The following ST7 variants were observed in gnomAD, a reference collection of about 807,000 sequenced individuals.
ST7 encodes suppression of tumorigenicity 7.
ST7 carries 28 observed loss-of-function variants against 78.7 expected under a neutral mutation model. The observed-to-expected ratio is 0.36, with a 90% confidence interval of 0.26 to 0.49. The LOEUF (loss-of-function observed/expected upper bound fraction) is 0.49. Ranked by LOEUF, ST7 falls within the 20% of genes least tolerant of loss-of-function variation. The probability of loss-of-function intolerance (pLI) is 0.99; values close to 1 mark genes in which losing one functional copy is unlikely to be tolerated. For missense variants in ST7, 418 were observed against 696.0 expected (o/e 0.60, Z 4.49); for synonymous variants, 247 against 249.6 (o/e 0.99, Z 0.10).
chr7:117,097,908 ATT>A lies in ST7; in HGVS notation c.152-1835_152-1834del, dbSNP rs751549285. On this transcript the variant is annotated intron_variant, in intron 1 of 15. Transcript: ENST00000323984. ...TATATATATATATATATATATATAT[ATT>A]TTTTTTTTTTTTTTTTTTGATGGCC... 9.2e-3 allele frequency among the ~76,000 whole-genome samples: 275 copies of A among 29,952 alleles called. 2 individuals carry two copies. The highest frequency in any genetic ancestry group is 0.01 in the Non-Finnish European group (191 of 18,564). 19.6% of individuals were successfully genotyped at this position (29,952 alleles called of 152,430 possible). A position where few individuals can be genotyped will look rare whatever the true frequency, so the allele number is the denominator to read the frequency against.
At chr7:117,191,338 G>A (rs1349242066) in intron 12 of ST7, among the ~76,000 whole-genome samples, 2 of 152,142 alleles carry the variant, frequency 1.3e-5, no homozygotes, top group African/African-American at 4.8e-5. Context: ...GGCATTCCGT[G>A]TCTCTATAAA....
intron 10 of ST7, among the ~76,000 whole-genome samples, chr7:117,179,247 G>C (rs758555868): frequency 5.9e-5 from 9 of 152,244 alleles, no homozygotes; most frequent in African/African-American, 2.2e-4. Context: ...TTTGCAAAAT[G>C]AAGGAAGCTA....
At chr7:117,097,904 A>ATT (rs1171743827) in intron 1 of ST7, among the ~76,000 whole-genome samples, 1 of 33,720 alleles carries the variant, frequency 3.0e-5, no homozygotes, top group African/African-American at 9.7e-5. Context: ...ATATATATAT[A>ATT]TATATTTTTT....
intron 9 of ST7, among the ~76,000 whole-genome samples, chr7:117,166,658 G>A (rs1807575553): frequency 6.6e-6 from 1 of 152,108 alleles, no homozygotes; most frequent in Non-Finnish European, 1.5e-5. Context: ...GGGAGGCTGA[G>A]GCAGGTGGAT....
intron 1 of ST7, chr7:116,972,663 A>G (rs1793488581): frequency 2.7e-6 from 3 of 1,117,376 alleles, no homozygotes; most frequent in Non-Finnish European, 4.1e-6. Context: ...TCTCATCAGC[A>G]GTTTTTTCCG....
intron 1 of ST7, among the ~76,000 whole-genome samples, chr7:117,087,894 G>A (rs1466382229): frequency 6.6e-6 from 1 of 152,120 alleles, no homozygotes; most frequent in African/African-American, 2.4e-5. Context: ...TCCCGCAGCT[G>A]CACATTTTAC....
At chr7:117,094,190 G>A (rs142780065) in intron 1 of ST7, among the ~76,000 whole-genome samples, 10 of 152,268 alleles carry the variant, frequency 6.6e-5, no homozygotes, top group African/African-American at 2.4e-4. Context: ...ACTTTAGATA[G>A]TAATTTCACA....
chr7:117,037,920 T>A (rs112783832), intron 1 of ST7, among the ~76,000 whole-genome samples: 1 of 152,222 alleles, frequency 6.6e-6, no homozygotes, highest in Admixed American at 6.5e-5. Context: ...ATGATTGATA[T>A]CTTGATATAA....
chr7:117,059,944 C>T (rs145647408), intron 1 of ST7, among the ~76,000 whole-genome samples: 266 of 152,136 alleles, frequency 1.7e-3, no homozygotes, highest in African/African-American at 5.7e-3. Context: ...GATCGCACTA[C>T]CCCACTTCAC....
intron 1 of ST7, among the ~76,000 whole-genome samples, chr7:116,984,179 T>C (rs1019129310): frequency 1.3e-5 from 2 of 151,778 alleles, no homozygotes; most frequent in Non-Finnish European, 2.9e-5. Context: ...ACTTTTGAAA[T>C]TGGGCTGAAT....
intron 1 of ST7, among the ~76,000 whole-genome samples, chr7:117,056,127 C>T (rs1419286236): frequency 6.6e-6 from 1 of 152,142 alleles, no homozygotes; most frequent in Non-Finnish European, 1.5e-5. Flanking sequence ...CCTTCTCAAG[C>T]CCACTGACTC....
At chr7:117,061,295 A>C (rs1375795372) in intron 1 of ST7, among the ~76,000 whole-genome samples, 1 of 152,202 alleles carries the variant, frequency 6.6e-6, no homozygotes, top group Non-Finnish European at 1.5e-5. Context: ...TTGAGCTCTA[A>C]GGATTCCTAC....
intron 1 of ST7, among the ~76,000 whole-genome samples, chr7:116,963,631 TC>T (rs1457584894): frequency 2.0e-4 from 30 of 151,082 alleles, no homozygotes; most frequent in African/African-American, 5.1e-4. Context: ...TTCTTTTTTT[TC>T]TTTTTTTTTT....
At chr7:117,038,741 T>A (rs181419688) in intron 1 of ST7, among the ~76,000 whole-genome samples, 1 of 152,190 alleles carries the variant, frequency 6.6e-6, no homozygotes, top group Non-Finnish European at 1.5e-5. Flanking sequence ...TATAGGCAGA[T>A]ACACAGATAT....
Position 117,080,882 on chromosome 7 carries a change from G to T in ST7, c.152-18880G>T, listed in dbSNP as rs919297749. 3 of 152,070 alleles carry T rather than the reference G, an allele frequency of 2.0e-5. No individual in the cohort carries two copies. In the East Asian group the frequency reaches 5.8e-4, roughly 29 times the overall value. The allele number at this position is 152,070 out of a possible 1,614,324, so 9.4% of individuals were successfully genotyped here. A position where few individuals can be genotyped will look rare whatever the true frequency, so the allele number is the denominator to read the frequency against. On this transcript the variant is annotated intron_variant, in intron 1 of 15. Transcript: ENST00000323984. ...ATACCAACCTTATTTATGCCATTGA[G>T]TTTTCTATCCATTGATTTTTTGGAA...
intron 15 of ST7, among the ~76,000 whole-genome samples, chr7:117,224,696 G>A (rs990994246): frequency 6.6e-5 from 10 of 152,056 alleles, no homozygotes; most frequent in African/African-American, 2.2e-4. Flanking sequence ...TCACCTGGCC[G>A]CACCACCAGA....
intron 1 of ST7, among the ~76,000 whole-genome samples, chr7:117,069,347 G>T (rs1386621794): frequency 6.6e-6 from 1 of 152,198 alleles, no homozygotes; most frequent in Non-Finnish European, 1.5e-5. Flanking sequence ...ATGATTAGAT[G>T]TAATTGAATT....
chr7:117,129,885 G>C, intron 4 of ST7, 38 bp downstream of exon 4: 1 of 1,559,784 alleles, frequency 6.4e-7, no homozygotes. Context: ...AATGGGTCTG[G>C]TTCAGAGAGC....
chr7:116,963,839 G>A (rs1792962102), intron 1 of ST7, among the ~76,000 whole-genome samples: 1 of 151,900 alleles, frequency 6.6e-6, no homozygotes, highest in African/African-American at 2.4e-5. Context: ...CACCATATTG[G>A]CCAGGGTGGT....
Sources: gnomAD v4.1 joint callset for allele counts (sites outside exome capture counted in the v4.1 genomes callset) on GRCh38, gnomAD v4.1.1 for gene constraint, MANE v1.5 for transcripts, NCBI Gene and HGNC (gene_info 2026-07-23, HGNC 2026-07-21) for gene names.